PRKACB: variants seen among roughly 807,000 people sequenced by gnomAD.
PRKACB encodes the protein cAMP-dependent protein kinase catalytic subunit beta.
A neutral mutation model predicts 51.4 loss-of-function variants in PRKACB; 16 were observed. That is an observed-to-expected ratio of 0.31 (90% CI 0.21 to 0.47). The LOEUF (loss-of-function observed/expected upper bound fraction) is 0.47. PRKACB is among the 20% of genes least tolerant of loss of function. The pLI, the probability that PRKACB is intolerant of heterozygous loss-of-function variation, is 1.00. For missense variants in PRKACB, 309 were observed against 464.5 expected, an observed-to-expected ratio of 0.67 and a Z score of 3.08; for synonymous variants, 147 against 154.4, an observed-to-expected ratio of 0.95 and a Z score of 0.35.
At chr1:84,090,987 A>G (rs551286196) in intron 1 of PRKACB, among the ~76,000 whole-genome samples, 1 of 152,080 alleles carries the variant, frequency 6.6e-6, no homozygotes, top group African/African-American at 2.4e-5. Flanking sequence ...ATGTATAATA[A>G]TATGTCTTCT....
At chr1:84,156,023 A>G (rs143000582) in intron 1 of PRKACB, among the ~76,000 whole-genome samples, 12 of 152,118 alleles carry the variant, frequency 7.9e-5, no homozygotes, top group Non-Finnish European at 1.2e-4. Flanking sequence ...GGGTCTTGCT[A>G]TGTTGCCCAG....
rs369569393 is a variant in PRKACB, at chr1:84,144,443, C to A, written c.82C>A (p.Arg28=). ...TCAGAAATTGGAAGGTTTTGCTAGC[C>A]GGTTATTTCATAGACACTCTAAAGG... ...ALQKLEGFAS[R]LFHRHSKGTA... The change falls in exon 1 of 10, where the codon CGG becomes AGG. Residue 28 remains arginine, a synonymous_variant. Coordinates refer to ENST00000370685, the MANE Select transcript of PRKACB (RefSeq NM_182948.4). 1 of 1,612,946 alleles carries A rather than the reference C, an allele frequency of 6.2e-7. No individual in the cohort carries two copies.
intron 1 of PRKACB, among the ~76,000 whole-genome samples, chr1:84,096,005 A>C (rs1648899814): frequency 6.6e-6 from 1 of 151,980 alleles, no homozygotes; most frequent in South Asian, 2.1e-4. Flanking sequence ...CATGCCTAGG[A>C]ATCTTTAATT....
chr1:84,169,075 G>A (rs189940746), intron 1 of PRKACB, among the ~76,000 whole-genome samples: 11 of 151,670 alleles, frequency 7.3e-5, no homozygotes, highest in Admixed American at 3.3e-4. Context: ...TACCTTATTT[G>A]GGGCATTTGT....
intron 1 of PRKACB, among the ~76,000 whole-genome samples, chr1:84,089,503 G>A (rs907106993): frequency 6.6e-6 from 1 of 152,100 alleles, no homozygotes; most frequent in African/African-American, 2.4e-5. Context: ...ATTCAACTGT[G>A]CCACTGTGTT....
upstream of PRKACB, among the ~76,000 whole-genome samples, chr1:84,140,178 T>C (rs1022264426): frequency 6.7e-4 from 102 of 152,148 alleles, no homozygotes; most frequent in Non-Finnish European, 2.4e-4. Context: ...TATAGGTCAG[T>C]GAAAGAGAAT....
chr1:84,142,936 G>C (rs979557320), upstream of PRKACB, among the ~76,000 whole-genome samples: 3 of 152,212 alleles, frequency 2.0e-5, no homozygotes, highest in Middle Eastern at 0.01. Flanking sequence ...CAGTAAATCT[G>C]AAGTAAGATT....
intron 2 of PRKACB, among the ~76,000 whole-genome samples, chr1:84,181,416 G>T (rs1260359937): frequency 3.3e-5 from 5 of 152,006 alleles, no homozygotes; most frequent in African/African-American, 1.2e-4. Context: ...TCATTTTGTT[G>T]TGGCAGGAAC....
At chr1:84,115,812 G>A (rs554488422) in intron 1 of PRKACB, among the ~76,000 whole-genome samples, 6 of 146,312 alleles carry the variant, frequency 4.1e-5, no homozygotes, top group South Asian at 2.2e-4. Context: ...AACCCAGGAG[G>A]TGGAGGTTGT....
rs150292179 is a variant in PRKACB, at chr1:84,100,007, T to C, written c.46+21636T>C. Among the ~76,000 whole-genome samples the C allele has an allele frequency of 1.8e-3, 271 of 152,272 alleles. 2 individuals carry two copies. Among genetic ancestry groups the C allele is most frequent in the Non-Finnish European group, 3.3e-3 (223 of 68,010 alleles). On this transcript the variant is annotated intron_variant, in intron 1 of 8. Transcript: ENST00000370688. ...TAGATTGTAGGGAACTTTATATTTG[T>C]CCATTTTCACACTGCTGTAAAGATA...
intron 1 of PRKACB, among the ~76,000 whole-genome samples, chr1:84,101,291 T>G (rs368104142): frequency 6.6e-6 from 1 of 152,176 alleles, no homozygotes; most frequent in Non-Finnish European, 1.5e-5. Flanking sequence ...TTCAACTGAT[T>G]GAGTCAGATC....
chr1:84,164,034 T>C (rs1432671256), intron 1 of PRKACB, among the ~76,000 whole-genome samples: 1 of 152,060 alleles, frequency 6.6e-6, no homozygotes, highest in Non-Finnish European at 1.5e-5. Context: ...AGTAACTTTT[T>C]TGTGTATTAT....
intron 1 of PRKACB, among the ~76,000 whole-genome samples, chr1:84,163,962 A>G (rs1042473567): frequency 6.6e-6 from 1 of 151,978 alleles, no homozygotes; most frequent in African/African-American, 2.4e-5. Context: ...CCACCTTGCT[A>G]TACAATCTGT....
At chr1:84,139,784 C>T (rs149346415), upstream of PRKACB, among the ~76,000 whole-genome samples, 224 of 152,282 alleles carry the variant, frequency 1.5e-3, no homozygotes, top group East Asian at 0.011. Context: ...AAGGGCCGGG[C>T]ACTGTGGCTT....
chr1:84,196,628 A>C lies in PRKACB; in HGVS notation c.573A>C (p.Ala191=), dbSNP rs771628485. ...RRIGRFSEPH[A]RFYAAQIVLT... The stretch of plus-strand genomic sequence containing the variant: ...TATTTCTTTGCAGTGAGCCCCATGC[A>C]CGGTTCTATGCAGCTCAGATAGTGC... Residue 191 remains alanine (A), a synonymous_variant, in exon 6 of 10, where the codon GCA becomes GCC. Transcript: ENST00000370685. 1 of 1,613,012 alleles carries C rather than the reference A, an allele frequency of 6.2e-7. No homozygotes were observed. Among genetic ancestry groups the C allele is most frequent in the Non-Finnish European group, 8.5e-7 (1 of 1,179,422 alleles).
At chr1:84,079,986 G>A (rs1647398235) in intron 1 of PRKACB, among the ~76,000 whole-genome samples, 1 of 152,088 alleles carries the variant, frequency 6.6e-6, no homozygotes, top group Admixed American at 6.5e-5. Context: ...TTTTAAAATT[G>A]CACAAATATA....
chr1:84,175,057 G>A lies in PRKACB; in HGVS notation c.188-4120G>A, dbSNP rs991951661. On this transcript the variant is annotated intron_variant, in intron 1 of 9. Coordinates refer to ENST00000370685, the MANE Select transcript of PRKACB (RefSeq NM_182948.4). Reference sequence around the variant, plus strand: ...GCTTGCTCCTCTTCAGAAATATCTGGTAGGCAATTACTTTTTAATAAAACA... The same window carrying A: ...GCTTGCTCCTCTTCAGAAATATCTGATAGGCAATTACTTTTTAATAAAACA... 6.9e-7 allele frequency: 1 copy of A among 1,456,784 alleles called. No homozygotes were observed. Among genetic ancestry groups the A allele is most frequent in the Non-Finnish European group, 9.0e-7 (1 of 1,105,862 alleles). The allele number at this position is 1,456,784 out of a possible 1,614,324, so 90.2% of individuals were successfully genotyped here.
At chr1:84,145,449 A>G (rs1339327522) in intron 1 of PRKACB, among the ~76,000 whole-genome samples, 1 of 152,096 alleles carries the variant, frequency 6.6e-6, no homozygotes, top group Non-Finnish European at 1.5e-5. Flanking sequence ...GGTAGCAGTT[A>G]AGGAAGAAAA....
intron 1 of PRKACB, among the ~76,000 whole-genome samples, chr1:84,147,038 A>G (rs1332518030): frequency 6.6e-6 from 1 of 152,040 alleles, no homozygotes; most frequent in Non-Finnish European, 1.5e-5. Context: ...TAGCAAATTT[A>G]TTATAGTTAG....
Sources: allele counts gnomAD v4.1 joint callset (sites outside exome capture counted in the v4.1 genomes callset), GRCh38; gene constraint gnomAD v4.1.1; transcripts MANE v1.5; gene names NCBI Gene and HGNC (gene_info 2026-07-23, HGNC 2026-07-21).